RNF141: variants seen among roughly 807,000 people sequenced by gnomAD.
The protein encoded by RNF141 is ring finger protein 141, also known as C3HC4-like zinc finger protein.
Under a neutral mutation model 27.4 loss-of-function variants are expected in RNF141, and 18 were observed. The observed-to-expected ratio is 0.66, with a 90% CI of 0.45 to 0.97. RNF141 has a LOEUF of 0.97. Among genes scored for constraint, RNF141 ranks in the 50% least tolerant of loss-of-function variants. The probability of loss-of-function intolerance (pLI) is 0.00; values close to 1 mark genes in which losing one functional copy is unlikely to be tolerated. For synonymous variants in RNF141, 97 were observed against 96.6 expected (o/e 1.00, Z -0.02); for missense variants, 230 against 279.4 (o/e 0.82, Z 1.26).
At chr11:10,531,544 G>A (rs1187755054) in intron 2 of RNF141, among the ~76,000 whole-genome samples, 1 of 152,120 alleles carries the variant, frequency 6.6e-6, no homozygotes, top group Non-Finnish European at 1.5e-5. Flanking sequence ...GCTACATCAA[G>A]TAAAACAAAT....
chr11:10,519,842 G>A (rs905628863), intron 4 of RNF141, among the ~76,000 whole-genome samples: 1 of 152,204 alleles, frequency 6.6e-6, no homozygotes, highest in African/African-American at 2.4e-5. Context: ...GAGTCAGTGA[G>A]TGAGTAGTGG....
chr11:10,532,539 CCCA>C (rs149689561), intron 2 of RNF141, among the ~76,000 whole-genome samples: 92 of 110,356 alleles, frequency 8.3e-4, no homozygotes, highest in Admixed American at 6.5e-3. Flanking sequence ...ACACACACAC[CCCA>C]CAACTATATA....
In RNF141 at chr11:10,534,035, C is replaced by T. The variant is rs1458622807; in HGVS notation, c.124G>A (p.Val42Ile). ...CCTTACACATCATTAAGCTCAGCTA[C>T]TCTCCCAAGAAATTCTTCATAAGTT... Reference protein sequence around the residue: ...SLTYEEFLGRVAELNDVTAKV... With the variant: ...SLTYEEFLGRIAELNDVTAKV... The change falls in exon 2 of 6, where the codon GTA (valine) becomes ATA (isoleucine). Residue 42 changes from valine (V) to isoleucine (I), a missense_variant. Coordinates refer to ENST00000265981, the MANE Select transcript of RNF141 (RefSeq NM_016422.4). 2.5e-6 allele frequency: 4 copies of T among 1,613,352 alleles called. No homozygotes were observed. The highest frequency in any genetic ancestry group is 3.4e-6 in the Non-Finnish European group (4 of 1,179,590).
intron 3 of RNF141, among the ~76,000 whole-genome samples, chr11:10,527,345 G>A (rs1054538587): frequency 7.9e-5 from 12 of 152,222 alleles, no homozygotes; most frequent in Admixed American, 7.9e-4. Flanking sequence ...AGGGGTTACA[G>A]GGAAGGCCTT....
chr11:10,526,717 G>C (rs1849938970), intron 3 of RNF141, among the ~76,000 whole-genome samples: 1 of 151,940 alleles, frequency 6.6e-6, no homozygotes, highest in Non-Finnish European at 1.5e-5. Flanking sequence ...AGGAGGCGGA[G>C]GTTGCAGTGA....
chr11:10,511,774 A>G lies in RNF141; in HGVS notation c.*3142T>C, dbSNP rs1849801743. The G allele has an allele frequency of 6.6e-6, 1 of 152,612 alleles. No individual in the cohort carries two copies. The highest frequency in any genetic ancestry group is 2.4e-5 in the African/African-American group (1 of 41,468). 9.5% of individuals were successfully genotyped at this position (152,612 alleles called of 1,614,324 possible). A position where few individuals can be genotyped will look rare whatever the true frequency, so the allele number is the denominator to read the frequency against. On this transcript the variant is annotated 3_prime_UTR_variant, in exon 6 of 6. Transcript: ENST00000265981. ...CTTTTCTCCCAGATATATATTAGAT[A>G]TAAGGAAATCGAGTCCAATTTGAAA...
chr11:10,525,191 C>A lies in RNF141; in HGVS notation c.434+1G>T. ...AAATACAATACTTATGCATTATATA[C>A]CTTCCCATCCAAAGACTAGCCTGAC... On this transcript the variant is annotated splice_donor_variant, in intron 4 of 5. Coordinates refer to ENST00000265981, the MANE Select transcript of RNF141 (RefSeq NM_016422.4). LOFTEE classifies it high-confidence loss of function. 2 of 1,588,626 alleles carry A rather than the reference C, an allele frequency of 1.3e-6. No homozygotes were observed. The highest frequency in any genetic ancestry group is 1.7e-6 in the Non-Finnish European group (2 of 1,166,138).
rs951572836 is a variant in RNF141, at chr11:10,511,689, T to G, written c.*3227A>C. 6.6e-6 allele frequency: 1 copy of G among 152,210 alleles called. No homozygotes were observed. Among genetic ancestry groups the G allele is most frequent in the African/African-American group, 2.4e-5 (1 of 41,454 alleles). The allele number at this position is 152,210 out of a possible 1,614,324, so 9.4% of individuals were successfully genotyped here. ...AAATGCAAATTCTTCAGACTACCTT[T>G]TAATAAACTCAACTTCCCAATGTTA... is the stretch of plus-strand genomic sequence containing the variant. On this transcript the variant is annotated 3_prime_UTR_variant, in exon 6 of 6. Coordinates refer to ENST00000265981, the MANE Select transcript of RNF141 (RefSeq NM_016422.4).
At chr11:10,535,539 A>G (rs1464561370) in intron 1 of RNF141, among the ~76,000 whole-genome samples, 2 of 152,052 alleles carry the variant, frequency 1.3e-5, no homozygotes, top group African/African-American at 4.8e-5. Flanking sequence ...ACTGTATCCA[A>G]GAAGAAACAA....
intron 2 of RNF141, chr11:10,532,011 C>T (rs1040814755): frequency 4.4e-6 from 2 of 453,536 alleles, no homozygotes; most frequent in Admixed American, 4.8e-5. Context: ...CAGAAATATC[C>T]TGTGCTAAAT....
intron 3 of RNF141, among the ~76,000 whole-genome samples, chr11:10,527,705 G>A (rs1849950041): frequency 6.6e-6 from 1 of 151,734 alleles, no homozygotes; most frequent in South Asian, 2.1e-4. Context: ...ATTGTGATGT[G>A]GAATAGGCTG....
chr11:10,532,978 A>G (rs1004191508), intron 2 of RNF141, among the ~76,000 whole-genome samples: 4 of 152,196 alleles, frequency 2.6e-5, no homozygotes, highest in Admixed American at 6.5e-5. Context: ...AAAAGGTCCA[A>G]TCCTTAGCAG....
intron 1 of RNF141, among the ~76,000 whole-genome samples, chr11:10,538,725 A>G (rs1052897516): frequency 3.3e-5 from 5 of 152,252 alleles, no homozygotes; most frequent in Admixed American, 1.3e-4. Context: ...TAATTTGGTC[A>G]GTCATCTATT....
At chr11:10,532,941 C>T (rs1305278461) in intron 2 of RNF141, among the ~76,000 whole-genome samples, 1 of 152,144 alleles carries the variant, frequency 6.6e-6, no homozygotes, top group Non-Finnish European at 1.5e-5. Context: ...GCCATTAATA[C>T]CTGCGTAATC....
In RNF141 at chr11:10,514,981, C is replaced by T. The variant is rs765639255; in HGVS notation, c.628G>A (p.Glu210Lys). 28 of 1,613,918 alleles carry T rather than the reference C, an allele frequency of 1.7e-5. No individual in the cohort carries two copies. Among genetic ancestry groups the T allele is most frequent in the Non-Finnish European group, 2.4e-5 (28 of 1,179,982 alleles). Residue 210 changes from glutamate (E) to lysine (K), a missense_variant, in exon 6 of 6, where the codon GAA becomes AAA. Coordinates refer to ENST00000265981, the MANE Select transcript of RNF141 (RefSeq NM_016422.4). The part of the protein sequence containing the change: ...ESWVVSDAPT[E>K]DDMANYILNM... ...AGAATATAGTTAGCCATATCATCTT[C>T]AGTGGGTGCATCTGATACCACCCAA... is the stretch of plus-strand genomic sequence containing the variant.
intron 1 of RNF141, among the ~76,000 whole-genome samples, chr11:10,538,616 T>C (rs1850057785): frequency 6.6e-6 from 1 of 152,252 alleles, no homozygotes; most frequent in African/African-American, 2.4e-5. Context: ...TTCTGGCAGA[T>C]ACACAAGCAC....
intron 1 of RNF141, among the ~76,000 whole-genome samples, chr11:10,535,739 G>A (rs1850028960): frequency 6.6e-6 from 1 of 152,070 alleles, no homozygotes; most frequent in South Asian, 2.1e-4. Context: ...CTTATAACCT[G>A]AAAAGTAGGA....
At chr11:10,519,392 CAT>C (rs1470636111) in intron 4 of RNF141, among the ~76,000 whole-genome samples, 5 of 152,032 alleles carry the variant, frequency 3.3e-5, no homozygotes, top group Non-Finnish European at 7.4e-5. Context: ...ATAAAGAAAA[CAT>C]AGGCAAAAGT....
intron 4 of RNF141, among the ~76,000 whole-genome samples, chr11:10,524,909 T>A (rs1470845687): frequency 6.6e-6 from 1 of 152,190 alleles, no homozygotes; most frequent in Non-Finnish European, 1.5e-5. Context: ...AGGAAGGTGT[T>A]AACTATCTCC....
Sources: gnomAD v4.1 joint callset for allele counts (sites outside exome capture counted in the v4.1 genomes callset) on GRCh38, gnomAD v4.1.1 for gene constraint, MANE v1.5 for transcripts, NCBI Gene and HGNC (gene_info 2026-07-23, HGNC 2026-07-21) for gene names.